NUP54: variants seen among roughly 807,000 people sequenced by gnomAD.
NUP54 encodes nucleoporin 54.
A neutral mutation model predicts 66.4 loss-of-function variants in NUP54; 27 were observed. The observed-to-expected ratio is 0.41, with a 90% CI of 0.30 to 0.56. The LOEUF is 0.56. Ranked by LOEUF, NUP54 falls within the 20% of genes least tolerant of loss-of-function variation. NUP54 has a pLI of 0.34. For missense variants in NUP54, 486 were observed against 596.3 expected (o/e 0.82, Z 1.93); for synonymous variants, 206 against 210.7 (o/e 0.98, Z 0.19).
intron 8 of NUP54, among the ~76,000 whole-genome samples, chr4:76,126,161 G>C (rs757442128): frequency 6.6e-5 from 10 of 152,150 alleles, no homozygotes; most frequent in Admixed American, 6.5e-5. Flanking sequence ...TATGCAGCAG[G>C]ATACATTTTT....
intron 1 of NUP54, among the ~76,000 whole-genome samples, chr4:76,145,370 C>CT (rs143546854): frequency 0.13 from 19,685 of 149,888 alleles, 1,513 homozygotes; most frequent in East Asian, 0.34. Flanking sequence ...AATTCAACTA[C>CT]TTTTTTTTGC....
chr4:76,121,248 G>C (rs1235102039), intron 9 of NUP54, among the ~76,000 whole-genome samples: 1 of 152,060 alleles, frequency 6.6e-6, no homozygotes, highest in East Asian at 1.9e-4. Context: ...TAAATTTTCA[G>C]CACACTTGCA....
chr4:76,134,481 G>A lies in NUP54; in HGVS notation c.523-119C>T. On this transcript the variant is annotated intron_variant, in intron 4 of 11. Transcript: ENST00000264883. ...AAACAACTTAATGTCTGGTAATTAA[G>A]GGAATAATGATTCTTCCCACCATTT... The A allele has an allele frequency of 3.7e-6, 3 of 818,730 alleles. No homozygotes were observed. The South Asian group carries it at 5.4e-5, about 15-fold the overall frequency. 50.7% of individuals were successfully genotyped at this position (818,730 alleles called of 1,614,324 possible).
intron 1 of NUP54, chr4:76,145,725 A>G: frequency 3.3e-6 from 1 of 305,962 alleles, no homozygotes; most frequent in Non-Finnish European, 5.9e-6. Context: ...ATTAGTGTCG[A>G]ATTATATTGC....
chr4:76,142,187 C>T (rs546780054), intron 3 of NUP54, among the ~76,000 whole-genome samples: 1 of 152,042 alleles, frequency 6.6e-6, no homozygotes, highest in Non-Finnish European at 1.5e-5. Flanking sequence ...TTTCAAGAAA[C>T]AAAGGAAACA....
intron 3 of NUP54, among the ~76,000 whole-genome samples, chr4:76,139,327 C>CATCAAAAGT (rs1731165819): frequency 6.6e-6 from 1 of 152,174 alleles, no homozygotes; most frequent in Non-Finnish European, 1.5e-5. Flanking sequence ...CTCAACGTGA[C>CATCAAAAGT]GTGATATGAA....
chr4:76,135,939 A>AC (rs1324500926), intron 4 of NUP54, among the ~76,000 whole-genome samples: 1 of 151,886 alleles, frequency 6.6e-6, no homozygotes, highest in East Asian at 1.9e-4. Context: ...TCCTGTTTAC[A>AC]TTTTTTTTCT....
chr4:76,125,894 G>T (rs1730519570), intron 8 of NUP54, among the ~76,000 whole-genome samples: 1 of 149,694 alleles, frequency 6.7e-6, no homozygotes, highest in African/African-American at 2.5e-5. Flanking sequence ...GAGAGGGAGA[G>T]ACCTATCTCA....
At chr4:76,145,738 AT>A (rs1560694372) in intron 1 of NUP54, 1 of 280,924 alleles carries the variant, frequency 3.6e-6, no homozygotes, top group Non-Finnish European at 6.7e-6. Flanking sequence ...TATATTGCAG[AT>A]TTTTTGGAAT....
intron 1 of NUP54, chr4:76,145,610 T>C (rs1415786002): frequency 2.4e-6 from 3 of 1,248,724 alleles, no homozygotes; most frequent in Non-Finnish European, 3.1e-6. Context: ...ATAAATGGAA[T>C]GCTAGCCAAT....
At chr4:76,148,151 T>G in intron 1 of NUP54, 157 bp downstream of exon 1, 1 of 549,518 alleles carries the variant, frequency 1.8e-6, no homozygotes, top group Non-Finnish European at 2.9e-6. Context: ...GGGTGCCGCC[T>G]CGGCCCACTC....
chr4:76,129,840 G>A (rs1730704367), intron 8 of NUP54, among the ~76,000 whole-genome samples: 1 of 129,300 alleles, frequency 7.7e-6, no homozygotes. Context: ...GCTCCAGCCT[G>A]GGCGACAGAG....
At chr4:76,127,932 A>G (rs962054371) in intron 8 of NUP54, among the ~76,000 whole-genome samples, 1 of 152,194 alleles carries the variant, frequency 6.6e-6, no homozygotes, top group Admixed American at 6.5e-5. Context: ...GATGGAATAC[A>G]CGGGGCAGCT....
chr4:76,143,047 A>G (rs1731329672), intron 3 of NUP54, among the ~76,000 whole-genome samples: 2 of 152,166 alleles, frequency 1.3e-5, no homozygotes, highest in African/African-American at 4.8e-5. Flanking sequence ...GATCTAGGTA[A>G]TGATCACCAA....
intron 1 of NUP54, chr4:76,146,278 T>C: frequency 4.4e-6 from 1 of 228,468 alleles, no homozygotes; most frequent in South Asian, 4.9e-5. Flanking sequence ...ATCAAGCAAA[T>C]ACCAACAAGT....
At chr4:76,132,019 T>G (rs1730825140) in intron 6 of NUP54, among the ~76,000 whole-genome samples, 1 of 152,064 alleles carries the variant, frequency 6.6e-6, no homozygotes, top group Non-Finnish European at 1.5e-5. Flanking sequence ...GGAGAATCCT[T>G]TTTTAAAAGA....
At chr4:76,130,227 C>T (rs1730744232) in intron 8 of NUP54, among the ~76,000 whole-genome samples, 1 of 151,510 alleles carries the variant, frequency 6.6e-6, no homozygotes, top group African/African-American at 2.4e-5. Flanking sequence ...AGTGATCCAC[C>T]CACCCTGGTC....
chr4:76,124,752 A>G lies in NUP54; in HGVS notation c.1061T>C (p.Ile354Thr). ...TTGTAGCTCACTAATATCTTCAGAT[A>G]TGATCTGTTTAAAAAAAAATTGGGG... ...TKQHQTRLDI[I>T]SEDISELQKN... Residue 354 changes from isoleucine to threonine, a missense_variant, in exon 9 of 12, where the codon ATA becomes ACA. By Grantham distance (89) the Ile-to-Thr change is moderately conservative. Coordinates refer to ENST00000264883, the MANE Select transcript of NUP54 (RefSeq NM_017426.4). The G allele has an allele frequency of 1.0e-6, 1 of 979,118 alleles. No homozygotes were observed. The highest frequency in any genetic ancestry group is 2.1e-5 in the Admixed American group (1 of 48,510). 60.7% of individuals were successfully genotyped at this position (979,118 alleles called of 1,614,324 possible). A position where few individuals can be genotyped will look rare whatever the true frequency, so the allele number is the denominator to read the frequency against.
At chr4:76,118,905 T>G (rs943506062) in intron 9 of NUP54, among the ~76,000 whole-genome samples, 1 of 151,948 alleles carries the variant, frequency 6.6e-6, no homozygotes, top group Non-Finnish European at 1.5e-5. Context: ...CTCGGGAGGC[T>G]GAGGCAGGAG....
Sources: gnomAD v4.1 joint callset for allele counts (sites outside exome capture counted in the v4.1 genomes callset) on GRCh38, gnomAD v4.1.1 for gene constraint, MANE v1.5 for transcripts, NCBI Gene and HGNC (gene_info 2026-07-23, HGNC 2026-07-21) for gene names.